The following CC2D1A variants were observed in gnomAD, a reference collection of about 807,000 sequenced individuals.
CC2D1A encodes coiled-coil and C2 domain-containing protein 1A.
CC2D1A carries 68 observed loss-of-function variants against 123.8 expected under a neutral mutation model. The observed-to-expected ratio is 0.55, with a 90% CI of 0.45 to 0.67. The LOEUF is 0.67. Among genes scored for constraint, CC2D1A ranks in the 30% least tolerant of loss-of-function variants. The pLI is 0.00. For missense variants in CC2D1A, 1,185 were observed against 1,290.3 expected (o/e 0.92, Z 1.25); for synonymous variants, 477 against 528.0 (o/e 0.90, Z 1.32).
At chr19:13,927,772 A>T in intron 22 of CC2D1A, 121 bp from the exon 23 acceptor site, 5 of 1,012,538 alleles carry the variant, frequency 4.9e-6, no homozygotes, top group Non-Finnish European at 7.2e-6. Flanking sequence ...ACAGAGCGAG[A>T]CTCTATCTCA....
chr19:13,913,556 A>T lies in CC2D1A; in HGVS notation c.666A>T (p.Pro222=). The change falls in exon 6 of 29, where the codon CCA becomes CCT. Residue 222 remains proline (P), a synonymous_variant. Coordinates refer to ENST00000318003, the MANE Select transcript of CC2D1A (RefSeq NM_017721.5). ...TQPAPRIASA[P]EPRVTLEGPS... is the part of the protein sequence containing the mutation. ...CGGCCCCTAGAATCGCGTCAGCCCCAGAGCCCAGGGTCACCCTGGAGGGAC... is the reference window on the plus strand; with the variant it reads ...CGGCCCCTAGAATCGCGTCAGCCCCTGAGCCCAGGGTCACCCTGGAGGGAC... The T allele has an allele frequency of 6.2e-7, 1 of 1,614,134 alleles. No homozygotes were observed. The highest frequency in any genetic ancestry group is 8.5e-7 in the Non-Finnish European group (1 of 1,180,026).
intron 6 of CC2D1A, among the ~76,000 whole-genome samples, chr19:13,917,297 C>T (rs571282321): frequency 9.9e-5 from 15 of 152,032 alleles, no homozygotes; most frequent in African/African-American, 3.6e-4. Flanking sequence ...TAGTAAGACC[C>T]CATCTCTACA....
chr19:13,926,641 C>T (rs775553494), intron 18 of CC2D1A, 26 bp from the exon 19 acceptor site: 2 of 1,614,158 alleles, frequency 1.2e-6, no homozygotes, highest in Non-Finnish European at 1.7e-6. Flanking sequence ...CCTCTCTGCC[C>T]AGCTCTGACC....
chr19:13,927,275 G>A lies in CC2D1A; in HGVS notation c.2316+10G>A, dbSNP rs759131937. 1.2e-6 allele frequency: 2 copies of A among 1,609,054 alleles called. No homozygotes were observed. The highest frequency in any genetic ancestry group is 1.7e-6 in the Non-Finnish European group (2 of 1,175,450). On this transcript the variant is annotated intron_variant, in intron 22 of 28. Transcript: ENST00000318003. ...CCGGGAGATCCTTGAGGTGAGAGGTGGACATTCATCCGCGTGCTCCGGTAT... is the reference window on the plus strand; with the variant it reads ...CCGGGAGATCCTTGAGGTGAGAGGTAGACATTCATCCGCGTGCTCCGGTAT...
chr19:13,926,766 G>T (rs767049421), intron 19 of CC2D1A, 41 bp downstream of exon 19: 1 of 1,613,986 alleles, frequency 6.2e-7, no homozygotes, highest in South Asian at 1.1e-5. Flanking sequence ...CAGCCTCAGT[G>T]GGCCAAAGCC....
In CC2D1A at chr19:13,930,502, GT is replaced by G. The variant is rs1971870328; in HGVS notation, c.*109del. On this transcript the variant is annotated 3_prime_UTR_variant, in exon 29 of 29. Transcript: ENST00000318003. The surrounding 1 kb of genome is among the most constrained non-coding windows in gnomAD (Gnocchi z 6.8). ...CAAGCAGACAATCAGCGGACAATCGGTTCTGGACTCACCCCTCATCCGGGCC... is the reference window on the plus strand; with the variant it reads ...CAAGCAGACAATCAGCGGACAATCGGTCTGGACTCACCCCTCATCCGGGCC... 1 of 1,294,732 alleles carries G rather than the reference GT, an allele frequency of 7.7e-7. No individual in the cohort carries two copies. The highest frequency in any genetic ancestry group is 1.5e-5 in the African/African-American group (1 of 67,116). 80.2% of individuals were successfully genotyped at this position (1,294,732 alleles called of 1,614,324 possible).
chr19:13,918,783 G>A lies in CC2D1A; in HGVS notation c.984G>A (p.Gln328=), dbSNP rs1384351368. The change falls in exon 9 of 29, where the codon CAG becomes CAA. Residue 328 remains glutamine (Q), a synonymous_variant. Coordinates refer to ENST00000318003, the MANE Select transcript of CC2D1A (RefSeq NM_017721.5). Reference sequence around the variant, plus strand: ...CAGACCCACCGTCACCACCGTCGCAGCCTCCGACCCCCGCTACGGCGCCCT... The same window carrying A: ...CAGACCCACCGTCACCACCGTCGCAACCTCCGACCCCCGCTACGGCGCCCT... ...LPPDPPSPPS[Q]PPTPATAPST... 6.2e-7 allele frequency: 1 copy of A among 1,613,300 alleles called. No homozygotes were observed. The highest frequency in any genetic ancestry group is 1.3e-5 in the African/African-American group (1 of 74,894).
At chr19:13,916,252 G>C (rs997386025) in intron 6 of CC2D1A, among the ~76,000 whole-genome samples, 1 of 152,090 alleles carries the variant, frequency 6.6e-6, no homozygotes, top group East Asian at 1.9e-4. Flanking sequence ...GCAAGACTCT[G>C]TCTCAACAAA....
At chr19:13,918,000 T>C in intron 6 of CC2D1A, 70 bp from the exon 7 acceptor site, 1 of 1,503,216 alleles carries the variant, frequency 6.7e-7, no homozygotes, top group Non-Finnish European at 9.0e-7. Context: ...AATAAATAAA[T>C]AACAAATGGT....
intron 5 of CC2D1A, 37 bp downstream of exon 5, chr19:13,913,339 C>CG: frequency 6.2e-7 from 1 of 1,606,054 alleles, no homozygotes; most frequent in Non-Finnish European, 8.5e-7. Flanking sequence ...GGACCCCCCG[C>CG]CAACCCCGAT....
chr19:13,908,780 A>G (rs1019381207), intron 1 of CC2D1A, among the ~76,000 whole-genome samples: 2 of 152,186 alleles, frequency 1.3e-5, no homozygotes, highest in African/African-American at 4.8e-5. Flanking sequence ...GGATGCTGGA[A>G]AGAAAAGCCC....
In CC2D1A at chr19:13,906,574, C is replaced by T. The variant is rs537359962; in HGVS notation, c.60+73C>T. ...GTCACTCGCTCAGGGAAGGGCCCCA[C>T]CCCCCAGGGAAGCCCGATCTCCGCC... is the stretch of plus-strand genomic sequence containing the variant. On this transcript the variant is annotated intron_variant, in intron 1 of 28. Coordinates refer to ENST00000318003, the MANE Select transcript of CC2D1A (RefSeq NM_017721.5). The surrounding 1 kb of genome is among the most constrained non-coding windows in gnomAD (Gnocchi z 4.1). 4.6e-5 allele frequency: 46 copies of T among 1,008,328 alleles called. No individual in the cohort carries two copies. The highest frequency in any genetic ancestry group is 2.0e-4 in the South Asian group (11 of 55,872). 62.5% of individuals were successfully genotyped at this position (1,008,328 alleles called of 1,614,324 possible). A position where few individuals can be genotyped will look rare whatever the true frequency, so the allele number is the denominator to read the frequency against.
In CC2D1A at chr19:13,906,548, C is replaced by A; in HGVS notation, c.60+47C>A. ...CGACCTGGGGATCCCTCCCCACCCC[C>A]GTCACTCGCTCAGGGAAGGGCCCCA... On this transcript the variant is annotated intron_variant, in intron 1 of 28. Transcript: ENST00000318003. The surrounding 1 kb of genome is among the most constrained non-coding windows in gnomAD (Gnocchi z 4.1). 2 of 1,329,866 alleles carry A rather than the reference C, an allele frequency of 1.5e-6. No homozygotes were observed. The highest frequency in any genetic ancestry group is 1.5e-5 in the South Asian group (1 of 68,210). 82.4% of individuals were successfully genotyped at this position (1,329,866 alleles called of 1,614,324 possible). A position where few individuals can be genotyped will look rare whatever the true frequency, so the allele number is the denominator to read the frequency against.
intron 26 of CC2D1A, 131 bp from the exon 27 acceptor site, chr19:13,929,947 G>T (rs1971830441): frequency 3.7e-6 from 2 of 537,986 alleles, no homozygotes; most frequent in Non-Finnish European, 6.3e-6. Context: ...TCGGGGATGG[G>T]CACCTGGAGG....
At chr19:13,929,304 C>A in intron 24 of CC2D1A, 75 bp from the exon 25 acceptor site, 1 of 1,470,808 alleles carries the variant, frequency 6.8e-7, no homozygotes, top group Non-Finnish European at 9.5e-7. Flanking sequence ...TGTGCCCAGC[C>A]CAGTGTGTCT....
chr19:13,924,704 C>T (rs567644917), intron 17 of CC2D1A, among the ~76,000 whole-genome samples: 2 of 152,186 alleles, frequency 1.3e-5, no homozygotes, highest in Non-Finnish European at 2.9e-5. Context: ...AATGATCCGC[C>T]TGCCTTGGCC....
At chr19:13,914,587 G>T (rs1385107560) in intron 6 of CC2D1A, among the ~76,000 whole-genome samples, 1 of 151,222 alleles carries the variant, frequency 6.6e-6, no homozygotes, top group African/African-American at 2.4e-5. Flanking sequence ...GCCTGCCTCG[G>T]CCTCCCAAAG....
intron 2 of CC2D1A, 113 bp downstream of exon 2, chr19:13,910,071 C>G (rs1970944791): frequency 2.7e-5 from 28 of 1,048,052 alleles, no homozygotes; most frequent in Non-Finnish European, 3.5e-5. Context: ...GACCCCTGTT[C>G]TCCTGGAGCC....
intron 1 of CC2D1A, among the ~76,000 whole-genome samples, chr19:13,908,055 G>A (rs772203194): frequency 2.5e-4 from 38 of 152,142 alleles, no homozygotes; most frequent in Non-Finnish European, 5.1e-4. Context: ...CCCCAGGCTG[G>A]AGTGCAGTGG....
Sources: gnomAD v4.1 joint callset for allele counts (sites outside exome capture counted in the v4.1 genomes callset) on GRCh38, gnomAD v4.1.1 for gene constraint, Gnocchi (gnomAD v3.1) non-coding constraint, MANE v1.5 for transcripts, NCBI Gene and HGNC (gene_info 2026-07-23, HGNC 2026-07-21) for gene names.